Variants in ASH1L observed in about 807,000 individuals in gnomAD.
The protein encoded by ASH1L is ASH1 like histone lysine methyltransferase.
In ASH1L, 23 loss-of-function variants were observed where a neutral mutation model predicts 269.0. The ratio of observed to expected loss-of-function variants is 0.09; its 90% CI spans 0.06 to 0.12. The LOEUF (loss-of-function observed/expected upper bound fraction) is 0.12. Among genes scored for constraint, ASH1L ranks in the 10% least tolerant of loss-of-function variants. ASH1L has a pLI of 1.00. For synonymous variants in ASH1L, 1,187 were observed against 1,253.5 expected (o/e 0.95, Z 1.12); for missense variants, 2,912 against 3,567.8 (o/e 0.82, Z 4.68).
intron 4 of ASH1L, among the ~76,000 whole-genome samples, chr1:155,443,967 G>A (rs1476673062): frequency 6.7e-6 from 1 of 148,416 alleles, no homozygotes; most frequent in African/African-American, 2.5e-5. Flanking sequence ...CCTAAGACTG[G>A]AATTACTAAA....
At chr1:155,552,522 G>T (rs1412182899) in intron 1 of ASH1L, among the ~76,000 whole-genome samples, 1 of 151,028 alleles carries the variant, frequency 6.6e-6, no homozygotes, top group African/African-American at 2.4e-5. Flanking sequence ...GTCATGCACT[G>T]GTAGTCCCAG....
At chr1:155,413,684 T>C (rs1659985167) in intron 6 of ASH1L, among the ~76,000 whole-genome samples, 1 of 152,064 alleles carries the variant, frequency 6.6e-6, no homozygotes, top group African/African-American at 2.4e-5. Flanking sequence ...GTAACAAACA[T>C]CAAATGGCTG....
At chr1:155,535,167 C>T (rs1462132196) in intron 1 of ASH1L, among the ~76,000 whole-genome samples, 1 of 143,196 alleles carries the variant, frequency 7.0e-6, no homozygotes, top group East Asian at 2.0e-4. Flanking sequence ...CCAGCCTGGG[C>T]AACAATAGTA....
At chr1:155,463,629 C>CAA (rs201928240) in intron 3 of ASH1L, among the ~76,000 whole-genome samples, 1 of 149,744 alleles carries the variant, frequency 6.7e-6, no homozygotes, top group African/African-American at 2.5e-5. Context: ...TCAGTCTCTA[C>CAA]AAAAAAAAAT....
chr1:155,351,992 A>G (rs1292889360), intron 17 of ASH1L, among the ~76,000 whole-genome samples: 3 of 152,092 alleles, frequency 2.0e-5, no homozygotes, highest in African/African-American at 7.2e-5. Flanking sequence ...TTTTCCTGTA[A>G]CAGTTACTCT....
Position 155,357,311 on chromosome 1 carries a change from T to C in ASH1L, c.7055+5A>G. ...AGAACATGGATAAGGATATTTCCTTTTTACCTTTCACGATTGGACATTGGC... is the reference window on the plus strand; with the variant it reads ...AGAACATGGATAAGGATATTTCCTTCTTACCTTTCACGATTGGACATTGGC... On this transcript the variant is annotated splice_donor_5th_base_variant and intron_variant, in intron 15 of 27. Coordinates refer to ENST00000392403, the MANE Select transcript of ASH1L (RefSeq NM_018489.3). The C allele has an allele frequency of 6.2e-7, 1 of 1,609,780 alleles. No homozygotes were observed. Among genetic ancestry groups the C allele is most frequent in the African/African-American group, 1.3e-5 (1 of 74,828 alleles).
chr1:155,479,441 G>A lies in ASH1L; in HGVS notation c.3429C>T (p.Gly1143=). 5 of 1,614,156 alleles carry A rather than the reference G, an allele frequency of 3.1e-6. No homozygotes were observed. The highest frequency in any genetic ancestry group is 1.1e-5 in the South Asian group (1 of 91,080). The part of the protein sequence containing the change: ...VPYLHLHSRQ[G]SMIQTLAMKK... ...TCATTGCAAGAGTCTGAATCATACT[G>A]CCCTGTCTGGAGTGTAAATGCAAAT... Residue 1143 remains glycine, a synonymous_variant, in exon 3 of 28, where the codon GGC becomes GGT. Coordinates refer to ENST00000392403, the MANE Select transcript of ASH1L (RefSeq NM_018489.3).
chr1:155,475,536 T>G (rs182992847), intron 3 of ASH1L, among the ~76,000 whole-genome samples: 4 of 152,340 alleles, frequency 2.6e-5, no homozygotes, highest in Non-Finnish European at 4.4e-5. Context: ...TTAATCTGTA[T>G]CATAACACTC....
intron 26 of ASH1L, 93 bp from the exon 27 acceptor site, chr1:155,338,483 G>C: frequency 8.4e-7 from 1 of 1,187,224 alleles, no homozygotes. Context: ...AGATCCTGGA[G>C]TCCAGCAGTT....
rs111636277 is a variant in ASH1L at position 155,457,150 on chromosome 1, T to C, written c.5086+2647A>G. On this transcript the variant is annotated intron_variant, in intron 4 of 27. Transcript: ENST00000392403. The stretch of plus-strand genomic sequence containing the variant: ...AACAAAAAATAAGCCTTTGTTGTTT[T>C]AAGCCTCTGAGATTTGGGGATCATT... Among the ~76,000 whole-genome samples the C allele has an allele frequency of 7.3e-3, 1,108 of 152,316 alleles. 15 individuals are homozygous for C. Among genetic ancestry groups the C allele is most frequent in the African/African-American group, 0.025 (1,054 of 41,562 alleles).
rs202212390 is a variant in ASH1L, at chr1:155,479,391, C to G, written c.3479G>C (p.Arg1160Pro). Residue 1160 changes from arginine (R) to proline (P), a missense_variant, in exon 3 of 28, where the codon CGG (arginine) becomes CCG (proline). Arg to Pro is a moderately radical substitution (Grantham distance 103, BLOSUM62 -2). Transcript: ENST00000392403. ...TGGCAACAAAGTAGGAGGAGATAAC[C>G]GCCTCCTCCCCTTTGAGGCCTTCTT... ...AMKKASKGRR[R>P]LSPPTLLPNS... 6.8e-6 allele frequency: 11 copies of G among 1,613,864 alleles called. No individual in the cohort carries two copies. Among genetic ancestry groups the G allele is most frequent in the Non-Finnish European group, 8.5e-7 (1 of 1,179,984 alleles).
intron 14 of ASH1L, 73 bp downstream of exon 14, chr1:155,357,512 T>C: frequency 6.2e-7 from 1 of 1,600,530 alleles, no homozygotes; most frequent in Non-Finnish European, 8.5e-7. Flanking sequence ...CTCTGGTAAT[T>C]CCCTTATTCC....
rs896667964 is a variant in ASH1L, at chr1:155,481,796, C to T, written c.1074G>A (p.Lys358=). 5.0e-6 allele frequency: 8 copies of T among 1,614,230 alleles called. No individual in the cohort carries two copies. The highest frequency in any genetic ancestry group is 6.8e-6 in the Non-Finnish European group (8 of 1,180,028). The change falls in exon 3 of 28, where the codon AAG becomes AAA. Residue 358 remains lysine, a synonymous_variant. Coordinates refer to ENST00000392403, the MANE Select transcript of ASH1L (RefSeq NM_018489.3). ...GTCCAACCACAGTGCCAAGTCCTAACTTCTTGCCAGACTCTTTATGCACTA... is the reference window on the plus strand; with the variant it reads ...GTCCAACCACAGTGCCAAGTCCTAATTTCTTGCCAGACTCTTTATGCACTA... The part of the protein sequence containing the change: ...PGLVHKESGK[K]LGLGTVVGLV...
rs572979146 is a variant in ASH1L at position 155,481,512 on chromosome 1, G to A, written c.1358C>T (p.Ser453Phe). ...GGTGGCACTATCTTTCAGGGATTCA[G>A]AAAGTTCCTGACTTTCCTGATTATT... ...NINNQESQEL[S>F]ESLKDSATSK... is the part of the protein sequence containing the mutation. The change falls in exon 3 of 28, where the codon TCT (serine) becomes TTT (phenylalanine). Residue 453 changes from serine (S) to phenylalanine (F), a missense_variant. Physicochemically the swap from Ser to Phe is radical, Grantham distance 155. Transcript: ENST00000392403. 1.2e-6 allele frequency: 2 copies of A among 1,614,090 alleles called. No individual in the cohort carries two copies. Among genetic ancestry groups the A allele is most frequent in the African/African-American group, 1.3e-5 (1 of 75,038 alleles).
At chr1:155,532,015 G>A (rs1669707241) in intron 1 of ASH1L, among the ~76,000 whole-genome samples, 1 of 152,168 alleles carries the variant, frequency 6.6e-6, no homozygotes, top group Non-Finnish European at 1.5e-5. Flanking sequence ...GGGCAAGGAT[G>A]CCATGTTGTA....
intron 5 of ASH1L, among the ~76,000 whole-genome samples, chr1:155,437,289 A>T (rs924373677): frequency 6.6e-5 from 10 of 152,238 alleles, no homozygotes; most frequent in Admixed American, 3.9e-4. Flanking sequence ...AAATTGAAAA[A>T]GCGATTGAGT....
chr1:155,454,539 G>C (rs1162531480), intron 4 of ASH1L, among the ~76,000 whole-genome samples: 1 of 152,194 alleles, frequency 6.6e-6, no homozygotes, highest in Admixed American at 6.5e-5. Context: ...AGGCCGAGGT[G>C]GGCTGATTAC....
chr1:155,513,941 A>G (rs1668336219), intron 2 of ASH1L, among the ~76,000 whole-genome samples: 1 of 152,216 alleles, frequency 6.6e-6, no homozygotes, highest in Admixed American at 6.5e-5. Flanking sequence ...TTTGGTATAT[A>G]CATACACTGG....
At position 155,480,046 on chromosome 1, in the gene ASH1L, G is replaced by A. The variant is rs1327974045; in HGVS notation, c.2824C>T (p.Leu942Phe). 9 of 1,614,040 alleles carry A rather than the reference G, an allele frequency of 5.6e-6. No homozygotes were observed. Among genetic ancestry groups the A allele is most frequent in the Non-Finnish European group, 7.6e-6 (9 of 1,180,014 alleles). ...SSDFFESEDQLQDPDDLDDSH... is the reference protein window; with the variant it reads ...SSDFFESEDQFQDPDDLDDSH... ...TCATCTAGGTCATCTGGATCCTGAA[G>A]TTGATCCTCGCTCTCAAAGAAATCA... Residue 942 changes from leucine to phenylalanine, a missense_variant, in exon 3 of 28, where the codon CTT becomes TTT. Transcript: ENST00000392403.
Sources: gnomAD v4.1 joint callset for allele counts (sites outside exome capture counted in the v4.1 genomes callset) on GRCh38, gnomAD v4.1.1 for gene constraint, MANE v1.5 for transcripts, NCBI Gene and HGNC (gene_info 2026-07-23, HGNC 2026-07-21) for gene names.